MROH2B: variants seen among roughly 807,000 people sequenced by gnomAD.
MROH2B encodes the protein maestro heat like repeat family member 2B.
Under a neutral mutation model 208.6 loss-of-function variants are expected in MROH2B, and 177 were observed. The ratio of observed to expected loss-of-function variants is 0.85; its 90% CI spans 0.75 to 0.96. The LOEUF (loss-of-function observed/expected upper bound fraction) is 0.96. Among genes scored for constraint, MROH2B ranks in the 40% least tolerant of loss-of-function variants. The pLI, the probability that MROH2B is intolerant of heterozygous loss-of-function variation, is 0.00. For missense variants in MROH2B, 2,002 were observed against 1,878.7 expected, an observed-to-expected ratio of 1.07 and a Z score of -1.21; for synonymous variants, 728 against 659.0, an observed-to-expected ratio of 1.10 and a Z score of -1.60.
intron 12 of MROH2B, 133 bp from the exon 13 acceptor site, chr5:41,051,223 A>G (rs1743274894): frequency 2.2e-6 from 1 of 450,178 alleles, no homozygotes. Flanking sequence ...TGGAACCTAG[A>G]TATCTTGGCC....
rs903500735 is a variant in MROH2B at position 41,070,974 on chromosome 5, G to C, written c.-122C>G. On this transcript the variant is annotated 5_prime_UTR_variant, in exon 1 of 42. Transcript: ENST00000399564. ...AAGGTTCACATAAGCCTCTCTAAAT[G>C]AAAGTGCCTCCTCCACTTGATTGGC... 2.2e-6 allele frequency: 2 copies of C among 929,734 alleles called. No homozygotes were observed. Among genetic ancestry groups the C allele is most frequent in the African/African-American group, 3.3e-5 (2 of 60,262 alleles). 57.6% of individuals were successfully genotyped at this position (929,734 alleles called of 1,614,324 possible).
Position 41,045,748 on chromosome 5 carries a change from T to C in MROH2B, c.1834A>G (p.Lys612Glu). 1 of 1,613,014 alleles carries C rather than the reference T, an allele frequency of 6.2e-7. No individual in the cohort carries two copies. The highest frequency in any genetic ancestry group is 8.5e-7 in the Non-Finnish European group (1 of 1,179,202). The change falls in exon 18 of 42, where the codon AAG becomes GAG. Residue 612 changes from lysine to glutamate, a missense_variant and splice_region_variant. Physicochemically the swap from Lys to Glu is moderately conservative, Grantham distance 56. Transcript: ENST00000399564. ...TTCCCCTCAGCTGAAAAACCAACCT[T>C]CTCAGTGGAGTTATTGCTGTAACTG... ...MGSYSNNSTE[K>E]KFLWKALGTT...
chr5:41,025,189 C>A (rs1168454360), intron 24 of MROH2B, among the ~76,000 whole-genome samples: 1 of 151,794 alleles, frequency 6.6e-6, no homozygotes, highest in Non-Finnish European at 1.5e-5. Context: ...AAGATCAGAG[C>A]AGAACCAAAG....
chr5:41,025,821 C>T (rs1742337468), intron 24 of MROH2B, among the ~76,000 whole-genome samples: 1 of 152,160 alleles, frequency 6.6e-6, no homozygotes, highest in Non-Finnish European at 1.5e-5. Flanking sequence ...AGCAGCACAT[C>T]AAAAAGCTTA....
At chr5:41,070,342 GA>G (rs1240816825) in intron 1 of MROH2B, among the ~76,000 whole-genome samples, 1 of 151,826 alleles carries the variant, frequency 6.6e-6, no homozygotes, top group East Asian at 1.9e-4. Flanking sequence ...TAGAAAACTG[GA>G]AAAAAAATTG....
rs754976734 is a variant in MROH2B at position 41,049,302 on chromosome 5, T to G, written c.1479A>C (p.Ala493=). The G allele has an allele frequency of 6.2e-6, 10 of 1,613,432 alleles. No homozygotes were observed. The highest frequency in any genetic ancestry group is 8.5e-6 in the Non-Finnish European group (10 of 1,179,708). ...KKQHSAKEST[A]LVVSTGAVKL... is the part of the protein sequence containing the mutation. ...GACCAGCTCCTGTAGAGACGACAAGTGCTGTCGACTCCTTGGCACTGTGCT... is the reference window on the plus strand; with the variant it reads ...GACCAGCTCCTGTAGAGACGACAAGGGCTGTCGACTCCTTGGCACTGTGCT... The change falls in exon 14 of 42, where the codon GCA becomes GCC. Residue 493 remains alanine, a synonymous_variant. Coordinates refer to ENST00000399564, the MANE Select transcript of MROH2B (RefSeq NM_173489.5).
At chr5:41,016,072 C>T (rs1026353524) in intron 28 of MROH2B, among the ~76,000 whole-genome samples, 4 of 152,044 alleles carry the variant, frequency 2.6e-5, no homozygotes, top group Admixed American at 2.0e-4. Context: ...GGCAGCCTAG[C>T]CCAGTGGGAC....
intron 6 of MROH2B, among the ~76,000 whole-genome samples, chr5:41,058,668 G>C (rs1743539824): frequency 6.6e-6 from 1 of 151,782 alleles, no homozygotes; most frequent in Non-Finnish European, 1.5e-5. Flanking sequence ...GTATTTTTTT[G>C]AGACAGAGCT....
chr5:41,032,830 T>A lies in MROH2B; in HGVS notation c.2362-9A>T, dbSNP rs751965501. ...TCGTCTCTAATGAAGTCCTGAAACA[T>A]AAATAAGGAGATTAAATGTTTCAGA... On this transcript the variant is annotated splice_polypyrimidine_tract_variant and intron_variant, in intron 23 of 41. Transcript: ENST00000399564. The A allele has an allele frequency of 3.1e-6, 5 of 1,608,804 alleles. No homozygotes were observed. The highest frequency in any genetic ancestry group is 4.2e-6 in the Non-Finnish European group (5 of 1,177,390).
In MROH2B at chr5:41,048,332, G is replaced by A. The variant is rs201687257; in HGVS notation, c.1676C>T (p.Pro559Leu). 3 of 1,612,760 alleles carry A rather than the reference G, an allele frequency of 1.9e-6. No individual in the cohort carries two copies. Among genetic ancestry groups the A allele is most frequent in the East Asian group, 2.2e-5 (1 of 44,864 alleles). ...GCCCCAATCCCTTGTACCTTCCAGA[G>A]GCTGCAGAAGCTCAGGTAAACGTGT... ...WKTRLPELLQ[P>L]LEGKNISTVL... The change falls in exon 16 of 42, where the codon CCT becomes CTT. Residue 559 changes from proline (P) to leucine (L), a missense_variant. By Grantham distance (98) the Pro-to-Leu change is moderately conservative. Coordinates refer to ENST00000399564, the MANE Select transcript of MROH2B (RefSeq NM_173489.5).
At chr5:41,016,277 GT>G (rs1358389707) in intron 28 of MROH2B, among the ~76,000 whole-genome samples, 1 of 152,070 alleles carries the variant, frequency 6.6e-6, no homozygotes, top group Non-Finnish European at 1.5e-5. Flanking sequence ...AGTAATACAT[GT>G]TCTTTCTCTC....
In MROH2B at chr5:41,010,782, G is replaced by A. The variant is rs567793170; in HGVS notation, c.3136-703C>T. 5.9e-5 allele frequency among the ~76,000 whole-genome samples: 9 copies of A among 152,268 alleles called. No individual in the cohort carries two copies. In the South Asian group the frequency reaches 1.9e-3, roughly 32 times the overall value. ...TGCAGTCCATGGAACTGTGGACTTT[G>A]GGTGATAGCGATGTGTCAATGTAGG... On this transcript the variant is annotated intron_variant, in intron 30 of 41. Transcript: ENST00000399564.
chr5:40,998,778 T>C (rs1271348848), intron 40 of MROH2B, 101 bp from the exon 41 acceptor site: 1 of 963,648 alleles, frequency 1.0e-6, no homozygotes, highest in Non-Finnish European at 1.6e-6. Context: ...AGGTAAATGG[T>C]AGGCTGGTGA....
intron 24 of MROH2B, among the ~76,000 whole-genome samples, chr5:41,025,398 T>C (rs1742317544): frequency 6.6e-6 from 1 of 152,094 alleles, no homozygotes; most frequent in Non-Finnish European, 1.5e-5. Flanking sequence ...CAGAGAATAC[T>C]ATAAACACCT....
intron 18 of MROH2B, among the ~76,000 whole-genome samples, chr5:41,044,377 T>TA (rs1743054139): frequency 6.6e-6 from 1 of 152,072 alleles, no homozygotes. Flanking sequence ...GTGACCTAAA[T>TA]AGGTGGCTGT....
At chr5:41,003,425 T>G (rs910620605) in intron 37 of MROH2B, among the ~76,000 whole-genome samples, 22 of 152,096 alleles carry the variant, frequency 1.4e-4, no homozygotes, top group Admixed American at 9.8e-4. Context: ...GTTCATATAG[T>G]TAGCATGCCA....
intron 13 of MROH2B, among the ~76,000 whole-genome samples, chr5:41,050,131 G>A (rs1472596075): frequency 6.6e-6 from 1 of 152,150 alleles, no homozygotes; most frequent in Non-Finnish European, 1.5e-5. Flanking sequence ...AGTTGCATCT[G>A]ATCTCCTATA....
At position 41,049,084 on chromosome 5, in the gene MROH2B, C is replaced by T; in HGVS notation, c.1542+17G>A. On this transcript the variant is annotated intron_variant, in intron 15 of 41. Coordinates refer to ENST00000399564, the MANE Select transcript of MROH2B (RefSeq NM_173489.5). ...AGCTTAAATTTGTTCTACTTTGGTT[C>T]TTAGTAACTCACTCACCAGAAGTCT... is the stretch of plus-strand genomic sequence containing the variant. 6 of 1,585,744 alleles carry T rather than the reference C, an allele frequency of 3.8e-6. No homozygotes were observed. Among genetic ancestry groups the T allele is most frequent in the Non-Finnish European group, 5.2e-6 (6 of 1,164,630 alleles).
At chr5:41,041,152 T>TA (rs914081614) in intron 19 of MROH2B, among the ~76,000 whole-genome samples, 1 of 152,158 alleles carries the variant, frequency 6.6e-6, no homozygotes, top group Admixed American at 6.5e-5. Context: ...AATAGTAATA[T>TA]AAAAGCAGTT....
Sources: gnomAD v4.1 joint callset for allele counts (sites outside exome capture counted in the v4.1 genomes callset) on GRCh38, gnomAD v4.1.1 for gene constraint, MANE v1.5 for transcripts, NCBI Gene and HGNC (gene_info 2026-07-23, HGNC 2026-07-21) for gene names.